ISM1: variants seen among roughly 807,000 people sequenced by gnomAD.
ISM1 encodes isthmin-1.
A neutral mutation model predicts 46.3 loss-of-function variants in ISM1; 25 were observed. The ratio of observed to expected loss-of-function variants is 0.54; its 90% CI spans 0.39 to 0.75. The LOEUF (loss-of-function observed/expected upper bound fraction) is 0.75. Among genes scored for constraint, ISM1 ranks in the 30% least tolerant of loss-of-function variants. The pLI is 0.00. For missense variants in ISM1, 536 were observed against 625.4 expected, an observed-to-expected ratio of 0.86 and a Z score of 1.52; for synonymous variants, 255 against 256.7, an observed-to-expected ratio of 0.99 and a Z score of 0.06.
At chr20:13,320,886 G>A in the ISM1 span, among the ~76,000 whole-genome samples, 171 of 152,264 alleles carry the variant, frequency 1.1e-3, 1 homozygote, top group African/African-American at 3.8e-3. Flanking sequence ...ACAGTGAGTT[G>A]CATGAGGTGA....
At chr20:13,306,564 C>CAAAAGAA in the ISM1 span, among the ~76,000 whole-genome samples, 1 of 63,914 alleles carries the variant, frequency 1.6e-5, no homozygotes. Flanking sequence ...GGAGAAAGGA[C>CAAAAGAA]AAAAAAAAAA....
At chr20:13,295,168 GC>G (rs2040395102) in intron 5 of ISM1, among the ~76,000 whole-genome samples, 1 of 152,082 alleles carries the variant, frequency 6.6e-6, no homozygotes, top group African/African-American at 2.4e-5. Flanking sequence ...AAGTCCACCA[GC>G]CACCAAGGCC....
chr20:13,314,487 A>C, the ISM1 span, among the ~76,000 whole-genome samples: 1 of 152,086 alleles, frequency 6.6e-6, no homozygotes, highest in African/African-American at 2.4e-5. Flanking sequence ...TAAAGTATTG[A>C]GAGAGAGAAA....
intron 1 of ISM1, among the ~76,000 whole-genome samples, chr20:13,223,111 C>G (rs1000994212): frequency 6.6e-6 from 1 of 151,232 alleles, no homozygotes; most frequent in Non-Finnish European, 1.5e-5. Flanking sequence ...GAGCTGAGAT[C>G]GCGCCACTGC....
chr20:13,319,069 G>T, the ISM1 span, among the ~76,000 whole-genome samples: 1 of 152,168 alleles, frequency 6.6e-6, no homozygotes, highest in Non-Finnish European at 1.5e-5. Context: ...ACAAATGCAT[G>T]ACTCTAGTGG....
chr20:13,290,739 G>A (rs1197141368), intron 4 of ISM1, among the ~76,000 whole-genome samples: 1 of 152,162 alleles, frequency 6.6e-6, no homozygotes, highest in Non-Finnish European at 1.5e-5. Context: ...AAGATTTTTT[G>A]AGTACTTAAG....
chr20:13,310,133 A>G, the ISM1 span, among the ~76,000 whole-genome samples: 1 of 152,228 alleles, frequency 6.6e-6, no homozygotes, highest in Admixed American at 6.5e-5. Flanking sequence ...AAATAGCCAA[A>G]GCAATCTTGA....
At chr20:13,312,300 C>T in the ISM1 span, among the ~76,000 whole-genome samples, 19,539 of 152,188 alleles carry the variant, frequency 0.13, 1,374 homozygotes, top group Admixed American at 0.18. Flanking sequence ...AGTTCACAGT[C>T]GGCATGTGTG....
chr20:13,280,360 ATGAACGTGTG>A (rs71188150), intron 3 of ISM1, among the ~76,000 whole-genome samples: 32,671 of 149,482 alleles, frequency 0.22, 3,660 homozygotes, highest in African/African-American at 0.27. Context: ...GGGAACCCAC[ATGAACGTGTG>A]TGTCTCAGGT....
chr20:13,298,755 T>C (rs957810728), intron 5 of ISM1, among the ~76,000 whole-genome samples, 187 bp from the exon 6 acceptor site: 2 of 152,092 alleles, frequency 1.3e-5, no homozygotes, highest in African/African-American at 4.8e-5. Flanking sequence ...GCCATCCACT[T>C]CTGATGGTGC....
rs1057257765 is a variant in ISM1 at position 13,233,724 on chromosome 20, T to C, written c.138+11810T>C. The stretch of plus-strand genomic sequence containing the variant: ...AAATACAGATTGTTAGTGACTCACA[T>C]AGGATTCTCATTATGAGGGAAAATA... On this transcript the variant is annotated intron_variant, in intron 1 of 5. Transcript: ENST00000262487. Among the ~76,000 whole-genome samples the C allele has an allele frequency of 2.6e-5, 4 of 151,940 alleles. No individual in the cohort carries two copies. The South Asian group carries it at 8.3e-4, about 32-fold the overall frequency.
At chr20:13,288,275 T>C (rs1183558799) in intron 3 of ISM1, among the ~76,000 whole-genome samples, 1 of 152,168 alleles carries the variant, frequency 6.6e-6, no homozygotes, top group Non-Finnish European at 1.5e-5. Flanking sequence ...GCTGTGCAAA[T>C]GTATGCATTC....
In ISM1 at chr20:13,288,659, A is replaced by G. The variant is rs1409736869; in HGVS notation, c.763A>G (p.Thr255Ala). 3 of 1,613,938 alleles carry G rather than the reference A, an allele frequency of 1.9e-6. No homozygotes were observed. The highest frequency in any genetic ancestry group is 2.5e-6 in the Non-Finnish European group (3 of 1,179,848). ...GYACTATESR[T>A]CDRPNCPGIE... ...CGCGTGCACTGCAACAGAATCGAGG[A>G]CCTGTGACCGTCCAAACTGCCCAGG... The change falls in exon 4 of 6, where the codon ACC (threonine) becomes GCC (alanine). Residue 255 changes from threonine to alanine, a missense_variant. Coordinates refer to ENST00000262487, the MANE Select transcript of ISM1 (RefSeq NM_080826.2).
Sources: gnomAD v4.1 joint callset for allele counts (sites outside exome capture counted in the v4.1 genomes callset) on GRCh38, gnomAD v4.1.1 for gene constraint, MANE v1.5 for transcripts, NCBI Gene and HGNC (gene_info 2026-07-23, HGNC 2026-07-21) for gene names.